Variants in CCDC171 observed in about 807,000 individuals in gnomAD.
The protein encoded by CCDC171 is coiled-coil domain containing 171, also known as coiled-coil domain-containing protein 171.
A neutral mutation model predicts 168.2 loss-of-function variants in CCDC171; 177 were observed. The observed-to-expected ratio is 1.05, with a 90% confidence interval of 0.93 to 1.19. CCDC171 has a LOEUF of 1.19. Among genes scored for constraint, CCDC171 ranks in the 50% most tolerant of loss-of-function variants. The pLI is 0.00. For missense variants in CCDC171, 1,991 were observed against 1,539.0 expected, an observed-to-expected ratio of 1.29 and a Z score of -4.91; for synonymous variants, 687 against 540.8, an observed-to-expected ratio of 1.27 and a Z score of -3.75.
chr9:15,906,936 G>T (rs898578670), intron 24 of CCDC171, among the ~76,000 whole-genome samples: 7 of 150,964 alleles, frequency 4.6e-5, no homozygotes, highest in African/African-American at 1.5e-4. Flanking sequence ...GCTTCAAAGA[G>T]AATAAAATAC....
chr9:16,042,844 C>A (rs1445642021), exon 1 of CCDC171: 1 of 152,106 alleles, frequency 6.6e-6, no homozygotes, highest in Non-Finnish European at 1.5e-5. Flanking sequence ...TACACGCACA[C>A]CAGATAAACT....
Position 15,737,790 on chromosome 9 carries a change from G to A in CCDC171, c.2050-6483G>A, listed in dbSNP as rs79717554. On this transcript the variant is annotated intron_variant, in intron 16 of 25. Transcript: ENST00000380701. The stretch of plus-strand genomic sequence containing the variant: ...CATTATGGGGCTTGAGAATGTGTGT[G>A]TGTGTATGAAGACTAGATAATAGGA... 2.1e-3 allele frequency among the ~76,000 whole-genome samples: 319 copies of A among 152,264 alleles called. 1 individual carries two copies. Among genetic ancestry groups the A allele is most frequent in the Non-Finnish European group, 3.5e-3 (235 of 68,020 alleles).
chr9:15,589,054 G>A (rs1296089222), intron 4 of CCDC171, among the ~76,000 whole-genome samples: 2 of 151,896 alleles, frequency 1.3e-5, no homozygotes, highest in East Asian at 1.9e-4. Context: ...AGAAAACGTC[G>A]TTGTTTTTTG....
At chr9:15,823,877 A>G (rs896429134) in intron 21 of CCDC171, among the ~76,000 whole-genome samples, 3 of 152,254 alleles carry the variant, frequency 2.0e-5, no homozygotes, top group South Asian at 2.1e-4. Flanking sequence ...AGAGAAAAAA[A>G]TTATTTGTCT....
chr9:16,092,722 T>C, the CCDC171 span, among the ~76,000 whole-genome samples: 1 of 152,174 alleles, frequency 6.6e-6, no homozygotes, highest in Non-Finnish European at 1.5e-5. Context: ...CTGGGTCCTT[T>C]TGCAAGTTTA....
chr9:15,722,060 C>A (rs1393458060), intron 12 of CCDC171, among the ~76,000 whole-genome samples, 185 bp downstream of exon 12: 2 of 152,166 alleles, frequency 1.3e-5, no homozygotes, highest in South Asian at 2.1e-4. Flanking sequence ...GTCTCACTTA[C>A]GTTTTTGTAA....
chr9:16,042,987 C>T (rs1405849002), intron 1 of CCDC171: 1 of 152,096 alleles, frequency 6.6e-6, no homozygotes, highest in Non-Finnish European at 1.5e-5. Context: ...TTTAAAATCT[C>T]CTTCTAAAAT....
chr9:15,600,074 A>G (rs1026871858), intron 6 of CCDC171, among the ~76,000 whole-genome samples: 7 of 151,740 alleles, frequency 4.6e-5, no homozygotes, highest in Non-Finnish European at 1.0e-4. Context: ...CTTCTTTGCC[A>G]TGGGTTCGAA....
chr9:15,610,444 TAAAAAAAAAAAAAAAAAAAAAAAAAA>T (rs754593075), intron 6 of CCDC171, among the ~76,000 whole-genome samples: 8 of 12,700 alleles, frequency 6.3e-4, no homozygotes, highest in African/African-American at 9.7e-4. Context: ...CCATCTCAAC[TAAAAAAAAAAAAAAAAAAAAAAAAAA>T]AAAAAAAAAA....
At chr9:16,011,698 G>A (rs1455009614) in intron 3 of CCDC171, among the ~76,000 whole-genome samples, 1 of 152,112 alleles carries the variant, frequency 6.6e-6, no homozygotes, top group Non-Finnish European at 1.5e-5. Flanking sequence ...TTCCGATTTT[G>A]CACTAGGACT....
intron 11 of CCDC171, among the ~76,000 whole-genome samples, chr9:15,699,091 A>C (rs1588028758): frequency 2.2e-5 from 1 of 45,982 alleles, no homozygotes; most frequent in Admixed American, 1.7e-4. Context: ...GGTGAGCGTT[A>C]ACAGTTCTTG....
At chr9:15,895,072 C>G (rs1300615621) in intron 24 of CCDC171, among the ~76,000 whole-genome samples, 1 of 152,008 alleles carries the variant, frequency 6.6e-6, no homozygotes, top group African/African-American at 2.4e-5. Context: ...TCAAATGGAC[C>G]TCTTATTTCC....
intron 24 of CCDC171, among the ~76,000 whole-genome samples, chr9:15,898,765 C>T (rs1042504571): frequency 6.6e-5 from 10 of 152,044 alleles, no homozygotes; most frequent in Admixed American, 1.3e-4. Flanking sequence ...TCCCTGTGTA[C>T]GCTTTATCCA....
At chr9:15,702,091 C>G (rs907653173) in intron 11 of CCDC171, among the ~76,000 whole-genome samples, 5 of 152,198 alleles carry the variant, frequency 3.3e-5, no homozygotes, top group Non-Finnish European at 7.3e-5. Context: ...CATCTCAGAG[C>G]TCTTGGGTGA....
chr9:15,637,066 G>C (rs2046255768), intron 7 of CCDC171, among the ~76,000 whole-genome samples: 2 of 151,978 alleles, frequency 1.3e-5, no homozygotes, highest in South Asian at 4.1e-4. Flanking sequence ...GACCAGCCTG[G>C]CCAACATGGT....
chr9:15,713,939 T>C (rs2134072613), intron 11 of CCDC171, among the ~76,000 whole-genome samples: 1 of 151,872 alleles, frequency 6.6e-6, no homozygotes, highest in East Asian at 1.9e-4. Flanking sequence ...TTGCTGGTCC[T>C]GCTAGATGAA....
intron 7 of CCDC171, among the ~76,000 whole-genome samples, chr9:15,625,598 G>C (rs990475714): frequency 6.6e-5 from 10 of 152,090 alleles, no homozygotes; most frequent in South Asian, 2.1e-4. Context: ...TCTTGTTTTT[G>C]TCAGGTTTGT....
intron 8 of CCDC171, among the ~76,000 whole-genome samples, chr9:15,662,484 C>T (rs1206963947): frequency 3.9e-5 from 6 of 152,140 alleles, no homozygotes; most frequent in Non-Finnish European, 5.9e-5. Context: ...CACAGAGTTC[C>T]GTAACTTTTC....
intron 21 of CCDC171, among the ~76,000 whole-genome samples, chr9:15,786,342 T>C (rs2057952660): frequency 6.6e-6 from 1 of 152,096 alleles, no homozygotes; most frequent in African/African-American, 2.4e-5. Flanking sequence ...GTAATAAATA[T>C]TCATTGTGGA....
Sources: allele counts gnomAD v4.1 joint callset (sites outside exome capture counted in the v4.1 genomes callset), GRCh38; gene constraint gnomAD v4.1.1; transcripts MANE v1.5; gene names NCBI Gene and HGNC (gene_info 2026-07-23, HGNC 2026-07-21).